PALS2: variants seen among roughly 807,000 people sequenced by gnomAD.
PALS2 encodes the protein protein associated with LIN7 2, MAGUK p55 family member.
Under a neutral mutation model 61.6 loss-of-function variants are expected in PALS2, and 27 were observed. The ratio of observed to expected loss-of-function variants is 0.44; its 90% confidence interval spans 0.32 to 0.60. PALS2 has a LOEUF of 0.60. Among genes scored for constraint, PALS2 ranks in the 20% least tolerant of loss-of-function variants. PALS2 has a pLI of 0.05. For missense variants in PALS2, 554 were observed against 639.4 expected, an observed-to-expected ratio of 0.87 and a Z score of 1.44; for synonymous variants, 236 against 218.6, an observed-to-expected ratio of 1.08 and a Z score of -0.70.
chr7:24,655,008 C>T (rs1371398822), intron 5 of PALS2, among the ~76,000 whole-genome samples: 1 of 152,070 alleles, frequency 6.6e-6, no homozygotes, highest in Non-Finnish European at 1.5e-5. Flanking sequence ...ACAGAAAAAT[C>T]AAGTAAAAGG....
intron 10 of PALS2, among the ~76,000 whole-genome samples, chr7:24,679,732 T>G (rs1484559439): frequency 2.2e-5 from 1 of 44,728 alleles, no homozygotes; most frequent in Non-Finnish European, 3.5e-5. Flanking sequence ...ACTATTCATT[T>G]TGTCACTCTA....
chr7:24,611,033 G>A (rs567599912), intron 1 of PALS2, among the ~76,000 whole-genome samples: 1 of 152,106 alleles, frequency 6.6e-6, no homozygotes, highest in Non-Finnish European at 1.5e-5. Context: ...ATCACCTAAT[G>A]TAGTTACAAA....
chr7:24,682,864 T>C (rs1448811899), intron 11 of PALS2, among the ~76,000 whole-genome samples: 1 of 151,860 alleles, frequency 6.6e-6, no homozygotes, highest in Non-Finnish European at 1.5e-5. Context: ...CTGTCCCCAT[T>C]GTATCATTTT....
At chr7:24,607,163 A>G (rs542140575) in intron 1 of PALS2, among the ~76,000 whole-genome samples, 1 of 152,280 alleles carries the variant, frequency 6.6e-6, no homozygotes, top group East Asian at 1.9e-4. Flanking sequence ...ATGTGTGGTT[A>G]GATTTTTTAA....
At chr7:24,642,748 A>G (rs1459978544) in intron 3 of PALS2, among the ~76,000 whole-genome samples, 1 of 152,304 alleles carries the variant, frequency 6.6e-6, no homozygotes, top group African/African-American at 2.4e-5. Context: ...TGGTTCCGAC[A>G]TAAATTAGTG....
At chr7:24,662,029 G>A (rs1174593363) in intron 5 of PALS2, among the ~76,000 whole-genome samples, 7 of 152,036 alleles carry the variant, frequency 4.6e-5, no homozygotes, top group Non-Finnish European at 8.8e-5. Flanking sequence ...TTAGCCAATT[G>A]TCACACTTTA....
At chr7:24,682,728 C>T (rs896499345) in intron 11 of PALS2, among the ~76,000 whole-genome samples, 1 of 152,306 alleles carries the variant, frequency 6.6e-6, no homozygotes, top group Non-Finnish European at 1.5e-5. Context: ...CCCTTTAAAT[C>T]TGTAAATTCT....
At chr7:24,609,087 T>TTTAGTTTG (rs1161253774) in intron 1 of PALS2, among the ~76,000 whole-genome samples, 1 of 152,230 alleles carries the variant, frequency 6.6e-6, no homozygotes, top group Non-Finnish European at 1.5e-5. Context: ...CTCAGCACCA[T>TTTAGTTTG]CTGTTTTTCC....
At chr7:24,666,864 G>A (rs1787044518) in intron 8 of PALS2, 1 of 152,168 alleles carries the variant, frequency 6.6e-6, no homozygotes. Flanking sequence ...ATTCTTCCCA[G>A]TTGCAGAGGA....
chr7:24,649,270 TATG>T (rs1786014326), intron 3 of PALS2, among the ~76,000 whole-genome samples: 1 of 152,244 alleles, frequency 6.6e-6, no homozygotes, highest in East Asian at 1.9e-4. Flanking sequence ...TATTGAATGA[TATG>T]ATGACAGTGG....
At chr7:24,574,751 A>G (rs922025206) in intron 1 of PALS2, among the ~76,000 whole-genome samples, 1 of 152,152 alleles carries the variant, frequency 6.6e-6, no homozygotes, top group Non-Finnish European at 1.5e-5. Flanking sequence ...TTTCAATTGG[A>G]GTATGATTTA....
At chr7:24,642,244 C>T (rs527759395) in intron 3 of PALS2, among the ~76,000 whole-genome samples, 2 of 152,174 alleles carry the variant, frequency 1.3e-5, no homozygotes, top group South Asian at 4.2e-4. Context: ...TATTGCTTCT[C>T]AAGATTGTTG....
chr7:24,612,413 G>C (rs140503725), intron 1 of PALS2, among the ~76,000 whole-genome samples: 1 of 151,692 alleles, frequency 6.6e-6, no homozygotes, highest in Non-Finnish European at 1.5e-5. Context: ...CTAGTTTTAC[G>C]TACTTTCTTT....
intron 1 of PALS2, among the ~76,000 whole-genome samples, chr7:24,591,197 C>G (rs979113711): frequency 1.3e-5 from 2 of 152,030 alleles, no homozygotes; most frequent in African/African-American, 2.4e-5. Flanking sequence ...TATACTATGT[C>G]TATTAGGACC....
intron 1 of PALS2, among the ~76,000 whole-genome samples, chr7:24,594,767 A>C (rs1229984880): frequency 6.6e-6 from 1 of 152,142 alleles, no homozygotes; most frequent in Non-Finnish European, 1.5e-5. Flanking sequence ...CCCTATCACC[A>C]TACATTATAT....
At chr7:24,578,418 C>T (rs556948534) in intron 1 of PALS2, among the ~76,000 whole-genome samples, 2 of 152,284 alleles carry the variant, frequency 1.3e-5, no homozygotes, top group Admixed American at 1.3e-4. Context: ...GGTAAACAGG[C>T]CTCTTTTGGC....
chr7:24,683,368 A>C (rs1274062575), intron 11 of PALS2, among the ~76,000 whole-genome samples: 1 of 152,182 alleles, frequency 6.6e-6, no homozygotes, highest in Non-Finnish European at 1.5e-5. Flanking sequence ...GTAACAGGTG[A>C]CCAGCTGAGA....
At chr7:24,667,589 A>G (rs1364044675) in intron 8 of PALS2, among the ~76,000 whole-genome samples, 1 of 151,914 alleles carries the variant, frequency 6.6e-6, no homozygotes, top group Non-Finnish European at 1.5e-5. Flanking sequence ...ATTGATAATA[A>G]GTTTCAGTGG....
chr7:24,574,509 G>T (rs1782575487), intron 1 of PALS2, among the ~76,000 whole-genome samples: 1 of 152,098 alleles, frequency 6.6e-6, no homozygotes, highest in Non-Finnish European at 1.5e-5. Context: ...TCCATCAGTT[G>T]GGTGTGCATC....
Sources: allele counts gnomAD v4.1 joint callset (sites outside exome capture counted in the v4.1 genomes callset), GRCh38; gene constraint gnomAD v4.1.1; transcripts MANE v1.5; gene names NCBI Gene and HGNC (gene_info 2026-07-23, HGNC 2026-07-21).